PTPRZ1: variants seen among roughly 807,000 people sequenced by gnomAD.
The protein encoded by PTPRZ1 is protein tyrosine phosphatase receptor type Z1.
In PTPRZ1, 82 loss-of-function variants were observed where a neutral mutation model predicts 214.1. That is an observed-to-expected ratio of 0.38 (90% CI 0.32 to 0.46). The LOEUF is 0.46. PTPRZ1 is among the 20% of genes least tolerant of loss of function. The probability of loss-of-function intolerance (pLI) is 1.00; values close to 1 mark genes in which losing one functional copy is unlikely to be tolerated. For missense variants in PTPRZ1, 2,603 were observed against 2,748.7 expected, an observed-to-expected ratio of 0.95 and a Z score of 1.19; for synonymous variants, 945 against 987.9, an observed-to-expected ratio of 0.96 and a Z score of 0.81.
At chr7:121,908,917 T>G in intron 1 of PTPRZ1, 1 of 516,912 alleles carries the variant, frequency 1.9e-6, no homozygotes, top group South Asian at 1.4e-5. Context: ...TGCCTGAATA[T>G]CTCATGGGAA....
At chr7:121,997,822 G>C (rs377054462) in intron 9 of PTPRZ1, 58 bp from the exon 10 acceptor site, 8 of 1,471,924 alleles carry the variant, frequency 5.4e-6, no homozygotes, top group Non-Finnish European at 7.4e-6. Context: ...AAGATACCTA[G>C]TGTGTTGGTA....
intron 3 of PTPRZ1, among the ~76,000 whole-genome samples, chr7:121,971,591 A>T (rs1355330171): frequency 6.6e-6 from 1 of 152,194 alleles, no homozygotes; most frequent in Non-Finnish European, 1.5e-5. Flanking sequence ...CAATTTCCTC[A>T]TCTGTAAAAT....
At chr7:121,956,519 C>T (rs1482997912) in intron 2 of PTPRZ1, among the ~76,000 whole-genome samples, 1 of 152,206 alleles carries the variant, frequency 6.6e-6, no homozygotes, top group East Asian at 1.9e-4. Flanking sequence ...CCGACCCTGA[C>T]TTTCAGAAAT....
chr7:121,915,592 CA>C (rs763590953), intron 1 of PTPRZ1, among the ~76,000 whole-genome samples: 2 of 152,220 alleles, frequency 1.3e-5, no homozygotes, highest in Non-Finnish European at 2.9e-5. Flanking sequence ...GAACTTTAGG[CA>C]TTATACTCTG....
At chr7:121,892,964 T>C (rs1395426438) in intron 1 of PTPRZ1, among the ~76,000 whole-genome samples, 4 of 151,952 alleles carry the variant, frequency 2.6e-5, no homozygotes, top group Non-Finnish European at 1.5e-5. Context: ...ACAAAATATA[T>C]AAAATAAAAT....
At chr7:122,033,316 G>A (rs1799437849) in intron 15 of PTPRZ1, among the ~76,000 whole-genome samples, 1 of 151,750 alleles carries the variant, frequency 6.6e-6, no homozygotes, top group Admixed American at 6.6e-5. Context: ...GAGGGAGATT[G>A]GGCCATTTGC....
intron 10 of PTPRZ1, among the ~76,000 whole-genome samples, chr7:122,001,812 A>C (rs1364966986): frequency 6.6e-6 from 1 of 152,194 alleles, no homozygotes; most frequent in African/African-American, 2.4e-5. Context: ...CAGTTATTAC[A>C]AAAATGTGAA....
chr7:122,016,777 T>C (rs186405012), intron 12 of PTPRZ1, among the ~76,000 whole-genome samples: 2 of 151,922 alleles, frequency 1.3e-5, no homozygotes, highest in East Asian at 3.9e-4. Context: ...TATATATATA[T>C]ACCCATATAC....
In PTPRZ1 at chr7:122,013,257, A is replaced by C; in HGVS notation, c.4211A>C (p.His1404Pro). 6.2e-7 allele frequency: 1 copy of C among 1,614,160 alleles called. No homozygotes were observed. The highest frequency in any genetic ancestry group is 1.1e-5 in the South Asian group (1 of 91,082). Residue 1404 changes from histidine (H) to proline (P), a missense_variant, in exon 12 of 30, where the codon CAT (histidine) becomes CCT (proline). This residue lies in a region of PTPRZ1 where 1,913 missense variants were observed against 1,914.3 expected (regional missense o/e 1.00). Coordinates refer to ENST00000393386, the MANE Select transcript of PTPRZ1 (RefSeq NM_002851.3). ...TCTAAGGCAACTTCTGAGCTGAGTCATAGTGCCAAATCTGATGCCGGTTTA... is the reference window on the plus strand; with the variant it reads ...TCTAAGGCAACTTCTGAGCTGAGTCCTAGTGCCAAATCTGATGCCGGTTTA... Reference protein sequence around the residue: ...FPSKATSELSHSAKSDAGLVG... With the variant: ...FPSKATSELSPSAKSDAGLVG...
Position 122,061,065 on chromosome 7 carries a change from T to A in PTPRZ1, c.6808-15T>A. The A allele has an allele frequency of 6.4e-7, 1 of 1,572,128 alleles. No individual in the cohort carries two copies. Among genetic ancestry groups the A allele is most frequent in the Non-Finnish European group, 8.6e-7 (1 of 1,159,350 alleles). ...TGAGCTTCGCATTTATTACCTCCCA[T>A]CTTCTGTTCTCTAGGAGCAGTATCA... On this transcript the variant is annotated splice_polypyrimidine_tract_variant and intron_variant, in intron 29 of 29. Coordinates refer to ENST00000393386, the MANE Select transcript of PTPRZ1 (RefSeq NM_002851.3).
In PTPRZ1 at chr7:122,011,503, G is replaced by T. The variant is rs769107338; in HGVS notation, c.2457G>T (p.Leu819Phe). ...SILSSYDGAP[L>F]LPFSSASFSS... ...TGTCTTCCTATGATGGTGCACCTTT[G>T]CTTCCATTTTCCTCTGCTTCCTTCA... The change falls in exon 12 of 30, where the codon TTG (leucine) becomes TTT (phenylalanine). Residue 819 changes from leucine (L) to phenylalanine (F), a missense_variant. Physicochemically the swap from Leu to Phe is conservative, Grantham distance 22. Around this residue, in one of 6 missense-constraint regions of PTPRZ1, gnomAD observed 1,913 missense variants for 1,914.3 expected, o/e 1.00. Transcript: ENST00000393386. 15 of 1,613,754 alleles carry T rather than the reference G, an allele frequency of 9.3e-6. No homozygotes were observed. Among genetic ancestry groups the T allele is most frequent in the Admixed American group, 6.7e-5 (4 of 59,986 alleles).
At chr7:121,964,462 G>A (rs1464381870) in intron 2 of PTPRZ1, among the ~76,000 whole-genome samples, 1 of 152,138 alleles carries the variant, frequency 6.6e-6, no homozygotes, top group Non-Finnish European at 1.5e-5. Context: ...ATGAGTACAG[G>A]ATGGGGGAAA....
intron 1 of PTPRZ1, among the ~76,000 whole-genome samples, chr7:121,887,583 G>A (rs1009507220): frequency 6.6e-6 from 1 of 152,112 alleles, no homozygotes; most frequent in African/African-American, 2.4e-5. Flanking sequence ...AACTTCCTAA[G>A]GGCTTTTACT....
rs529259121 is a variant in PTPRZ1 at position 121,984,537 on chromosome 7, T to G, written c.928+420T>G. Among the ~76,000 whole-genome samples the G allele has an allele frequency of 2.6e-3, 400 of 152,212 alleles. 4 individuals are homozygous for G. Among genetic ancestry groups the G allele is most frequent in the African/African-American group, 9.3e-3 (387 of 41,520 alleles). Reference sequence around the variant, plus strand: ...TTCTGGTTGGGATAATAAGGAAAACTTTATGGGAGAACCGCCTTTGAACTG... The same window carrying G: ...TTCTGGTTGGGATAATAAGGAAAACGTTATGGGAGAACCGCCTTTGAACTG... On this transcript the variant is annotated intron_variant, in intron 8 of 29. Coordinates refer to ENST00000393386, the MANE Select transcript of PTPRZ1 (RefSeq NM_002851.3).
intron 2 of PTPRZ1, among the ~76,000 whole-genome samples, chr7:121,952,939 A>G (rs1796603230): frequency 6.6e-6 from 1 of 152,214 alleles, no homozygotes; most frequent in Non-Finnish European, 1.5e-5. Context: ...GAAAAGGGTC[A>G]GTATTCAGGC....
In PTPRZ1 at chr7:122,051,537, C is replaced by A. The variant is rs920431327; in HGVS notation, c.6178+16C>A. ...ATCATCCCTGGTAAGTTGTGTTGAT[C>A]CTTGAAAAAACAACTTTTTTAAAAT... is the stretch of plus-strand genomic sequence containing the variant. On this transcript the variant is annotated intron_variant, in intron 24 of 29. Transcript: ENST00000393386. 22 of 1,595,216 alleles carry A rather than the reference C, an allele frequency of 1.4e-5. No homozygotes were observed. The highest frequency in any genetic ancestry group is 1.9e-5 in the Non-Finnish European group (22 of 1,171,204).
At chr7:121,981,009 G>A (rs1372136504) in intron 6 of PTPRZ1, among the ~76,000 whole-genome samples, 1 of 152,132 alleles carries the variant, frequency 6.6e-6, no homozygotes, top group African/African-American at 2.4e-5. Flanking sequence ...AGGCGTGGTG[G>A]CAGGCGCCTA....
intron 2 of PTPRZ1, among the ~76,000 whole-genome samples, chr7:121,948,641 A>G (rs1035351018): frequency 4.6e-5 from 7 of 152,156 alleles, no homozygotes; most frequent in African/African-American, 1.7e-4. Context: ...GCACTGAGAT[A>G]AGAAAAGTGG....
At chr7:121,935,082 T>C (rs1411019689) in intron 2 of PTPRZ1, among the ~76,000 whole-genome samples, 5 of 152,184 alleles carry the variant, frequency 3.3e-5, no homozygotes, top group African/African-American at 1.2e-4. Context: ...ACAATAAATA[T>C]ATACAATGTG....
Sources: allele counts gnomAD v4.1 joint callset (sites outside exome capture counted in the v4.1 genomes callset), GRCh38; gene constraint gnomAD v4.1.1; regional missense constraint gnomAD v4.1.1; transcripts MANE v1.5; gene names NCBI Gene and HGNC (gene_info 2026-07-23, HGNC 2026-07-21).